PLA2G4B: variants seen among roughly 807,000 people sequenced by gnomAD.
PLA2G4B encodes phospholipase A2 group IVB.
A neutral mutation model predicts 95.8 loss-of-function variants in PLA2G4B; 122 were observed. The ratio of observed to expected loss-of-function variants is 1.27; its 90% CI spans 1.10 to 1.48. The LOEUF (loss-of-function observed/expected upper bound fraction) is 1.48, where lower values mean the gene tolerates loss of function less well. Among genes scored for constraint, PLA2G4B ranks in the 40% most tolerant of loss-of-function variants. The probability of loss-of-function intolerance (pLI) is 0.00; values close to 1 mark genes in which losing one functional copy is unlikely to be tolerated. For missense variants in PLA2G4B, 1,158 were observed against 996.2 expected, an observed-to-expected ratio of 1.16 and a Z score of -2.19; for synonymous variants, 518 against 421.5, an observed-to-expected ratio of 1.23 and a Z score of -2.80.
chr15:41,846,116 G>A, intron 16 of PLA2G4B, 69 bp downstream of exon 16: 6 of 1,576,778 alleles, frequency 3.8e-6, no homozygotes, highest in East Asian at 2.3e-5. Context: ...GGGGGCGGGG[G>A]GTTCACACCT....
At position 41,841,863 on chromosome 15, in the gene PLA2G4B, G is replaced by C. The variant is rs762752586; in HGVS notation, c.535G>C (p.Gly179Arg). Residue 179 changes from glycine to arginine, a missense_variant, in exon 8 of 20, where the codon GGT becomes CGT. Transcript: ENST00000458483. ...VQLVVPGSCEGPQEASVGTGT... is the reference protein window; with the variant it reads ...VQLVVPGSCERPQEASVGTGT... Reference sequence around the variant, plus strand: ...GCTTGTGGTTCCTGGGTCCTGTGAGGGTCCGCAGGAGGCCTCTGTGGGCAC... The same window carrying C: ...GCTTGTGGTTCCTGGGTCCTGTGAGCGTCCGCAGGAGGCCTCTGTGGGCAC... The C allele has an allele frequency of 1.2e-6, 2 of 1,613,490 alleles. No individual in the cohort carries two copies. The highest frequency in any genetic ancestry group is 1.1e-5 in the South Asian group (1 of 90,918).
intron 11 of PLA2G4B, 94 bp from the exon 12 acceptor site, chr15:41,844,377 G>A: frequency 1.3e-6 from 2 of 1,591,948 alleles, no homozygotes; most frequent in Non-Finnish European, 8.6e-7. Flanking sequence ...TTAGCTGTGG[G>A]CTGGGTGGCC....
chr15:41,847,221 C>A (rs960378040), intron 18 of PLA2G4B, 116 bp from the exon 19 acceptor site: 1 of 1,450,606 alleles, frequency 6.9e-7, no homozygotes, highest in East Asian at 2.3e-5. Flanking sequence ...CTTCATAGGC[C>A]CCACTGGAGA....
chr15:41,841,627 T>C (rs1268650242), intron 7 of PLA2G4B, 56 bp downstream of exon 7: 7 of 1,611,602 alleles, frequency 4.3e-6, no homozygotes, highest in Non-Finnish European at 5.1e-6. Context: ...TCTTCCCCCT[T>C]TAAGCATTGG....
At position 41,840,923 on chromosome 15, in the gene PLA2G4B, C is replaced by T. The variant is rs201470581; in HGVS notation, c.351+18C>T. 6.8e-6 allele frequency: 11 copies of T among 1,609,306 alleles called. No individual in the cohort carries two copies. The highest frequency in any genetic ancestry group is 4.0e-5 in the African/African-American group (3 of 74,970). The stretch of plus-strand genomic sequence containing the variant: ...GCCCTCAGGCAAGGCGGTGTTTCCA[C>T]GGCAGCCCTAGCTGGTGTCTGGGTT... On this transcript the variant is annotated intron_variant, in intron 4 of 19. Transcript: ENST00000458483.
At chr15:41,846,127 C>T in intron 16 of PLA2G4B, 76 bp from the exon 17 acceptor site, 2 of 1,582,844 alleles carry the variant, frequency 1.3e-6, no homozygotes, top group Non-Finnish European at 1.7e-6. Context: ...GTTCACACCT[C>T]TTCCCCCTCC....
intron 11 of PLA2G4B, 83 bp downstream of exon 11, chr15:41,843,894 C>G: frequency 2.0e-5 from 31 of 1,538,512 alleles, no homozygotes; most frequent in East Asian, 4.6e-5. Context: ...TGCTTGTCCC[C>G]GATCTAGACC....
Position 41,840,897 on chromosome 15 carries a change from A to G in PLA2G4B, c.343A>G (p.Ser115Gly), listed in dbSNP as rs769489846. The G allele has an allele frequency of 6.2e-7, 1 of 1,612,944 alleles. No homozygotes were observed. The highest frequency in any genetic ancestry group is 8.5e-7 in the Non-Finnish European group (1 of 1,179,144). The change falls in exon 4 of 20, where the codon AGC becomes GGC. Residue 115 changes from serine (S) to glycine (G), a missense_variant. By Grantham distance (56) the Ser-to-Gly change is moderately conservative. Coordinates refer to ENST00000458483, the MANE Select transcript of PLA2G4B (RefSeq NM_001114633.2). ...GTTCCGGCGCGAGAGCTTCTCACTGAGCCCTCAGGCAAGGCGGTGTTTCCA... is the reference window on the plus strand; with the variant it reads ...GTTCCGGCGCGAGAGCTTCTCACTGGGCCCTCAGGCAAGGCGGTGTTTCCA... The part of the protein sequence containing the change: ...GEFRRESFSL[S>G]PQGEGRLEVE...
Position 41,838,871 on chromosome 15 carries a change from G to T in PLA2G4B, c.-43G>T. On this transcript the variant is annotated 5_prime_UTR_variant, in exon 1 of 20. Transcript: ENST00000458483. Reference sequence around the variant, plus strand: ...TAGAAAGCTGACAGTCCTTGATCCTGTGGCCACTGCCCCATCATTCCTGCT... The same window carrying T: ...TAGAAAGCTGACAGTCCTTGATCCTTTGGCCACTGCCCCATCATTCCTGCT... 2 of 1,581,898 alleles carry T rather than the reference G, an allele frequency of 1.3e-6. No homozygotes were observed. Among genetic ancestry groups the T allele is most frequent in the Admixed American group, 1.8e-5 (1 of 56,260 alleles).
In PLA2G4B at chr15:41,847,674, G is replaced by A. The variant is rs1044837249; in HGVS notation, c.2160G>A (p.Ala720=). 1.1e-5 allele frequency: 18 copies of A among 1,613,630 alleles called. No homozygotes were observed. Among genetic ancestry groups the A allele is most frequent in the Admixed American group, 1.7e-5 (1 of 60,030 alleles). ...GGGTCCGGCGGACACCCGAGGAGGCGGCAGCTGGGGAGGTGAACCTGTCTT... is the reference window on the plus strand; with the variant it reads ...GGGTCCGGCGGACACCCGAGGAGGCAGCAGCTGGGGAGGTGAACCTGTCTT... ...APGVRRTPEE[A]AAGEVNLSSS... The change falls in exon 20 of 20, where the codon GCG becomes GCA. Residue 720 remains alanine, a synonymous_variant. Transcript: ENST00000458483.
At chr15:41,845,803 C>T in intron 15 of PLA2G4B, 28 bp downstream of exon 15, 1 of 1,567,688 alleles carries the variant, frequency 6.4e-7, no homozygotes, top group African/African-American at 1.4e-5. Context: ...GCTGGGGAAG[C>T]TGGGCCGAGC....
chr15:41,842,564 TGA>T lies in PLA2G4B; in HGVS notation c.720_721del (p.Arg240SerfsTer53). 6.2e-7 allele frequency: 1 copy of T among 1,609,520 alleles called. No homozygotes were observed. Among genetic ancestry groups the T allele is most frequent in the South Asian group, 1.1e-5 (1 of 90,574 alleles). On this transcript the variant is annotated frameshift_variant, in exon 10 of 20. Coordinates refer to ENST00000458483, the MANE Select transcript of PLA2G4B (RefSeq NM_001114633.2). LOFTEE classifies it high-confidence loss of function. ...CTTCACGGTTTTCAGGAGCCCCTGATGAGAGTGGAGCTGAAAAAAGAAGCAGG... is the reference window on the plus strand; with the variant it reads ...CTTCACGGTTTTCAGGAGCCCCTGATGAGTGGAGCTGAAAAAAGAAGCAGG...
In PLA2G4B at chr15:41,838,896, T is replaced by A; in HGVS notation, c.-18T>A. 1 of 1,594,280 alleles carries A rather than the reference T, an allele frequency of 6.3e-7. No individual in the cohort carries two copies. Among genetic ancestry groups the A allele is most frequent in the East Asian group, 2.3e-5 (1 of 44,204 alleles). ...GTGGCCACTGCCCCATCATTCCTGC[T>A]CCTGAGGACTCAGTCTCATGGCTGT... On this transcript the variant is annotated 5_prime_UTR_variant, in exon 1 of 20. Transcript: ENST00000458483.
At chr15:41,840,719 T>C (rs537289693) in intron 3 of PLA2G4B, 55 bp from the exon 4 acceptor site, 1 of 1,606,854 alleles carries the variant, frequency 6.2e-7, no homozygotes, top group African/African-American at 1.3e-5. Context: ...GCCGCTGCCC[T>C]GCTCACCTTT....
intron 10 of PLA2G4B, among the ~76,000 whole-genome samples, 164 bp from the exon 11 acceptor site, chr15:41,843,510 GAC>G (rs1398319560): frequency 6.6e-6 from 1 of 152,244 alleles, no homozygotes; most frequent in Non-Finnish European, 1.5e-5. Flanking sequence ...TGTCCACATG[GAC>G]ACACTCTCCC....
rs759066624 is a variant in PLA2G4B, at chr15:41,844,468, C to T, written c.880-3C>T. On this transcript the variant is annotated splice_polypyrimidine_tract_variant and splice_region_variant and intron_variant, in intron 11 of 19. Coordinates refer to ENST00000458483, the MANE Select transcript of PLA2G4B (RefSeq NM_001114633.2). ...CTACAGGCCTGGCTCTCTTCTTTTC[C>T]AGATCCCAGTGGTAGCTATTATGGC... 1.9e-6 allele frequency: 3 copies of T among 1,614,078 alleles called. No homozygotes were observed. Among genetic ancestry groups the T allele is most frequent in the South Asian group, 1.1e-5 (1 of 91,088 alleles).
chr15:41,842,744 T>A, intron 10 of PLA2G4B, 153 bp downstream of exon 10: 1 of 1,211,092 alleles, frequency 8.3e-7, no homozygotes, highest in Non-Finnish European at 1.1e-6. Flanking sequence ...GGGCACGAAG[T>A]ACTGGGAGGA....
Position 41,847,459 on chromosome 15 carries a change from C to G in PLA2G4B, c.2070C>G (p.Pro690=), listed in dbSNP as rs368040094. ...ECHTFSDPTC[P]GAPAVLHFPL... ...ACACCTTCTCCGACCCCACCTGCCC[C>G]GGAGCCCCTGCGGTGCTGCACTTTC... Residue 690 remains proline, a synonymous_variant, in exon 19 of 20, where the codon CCC becomes CCG. Transcript: ENST00000458483. 2.5e-6 allele frequency: 4 copies of G among 1,613,172 alleles called. No individual in the cohort carries two copies. Among genetic ancestry groups the G allele is most frequent in the Non-Finnish European group, 3.4e-6 (4 of 1,179,682 alleles).
At chr15:41,846,074 G>T in intron 16 of PLA2G4B, 27 bp downstream of exon 16, 1 of 1,571,510 alleles carries the variant, frequency 6.4e-7, no homozygotes, top group Non-Finnish European at 8.6e-7. Flanking sequence ...CTTCATAAGG[G>T]TGCCAAGGGG....
Sources: gnomAD v4.1 joint callset for allele counts (sites outside exome capture counted in the v4.1 genomes callset) on GRCh38, gnomAD v4.1.1 for gene constraint, MANE v1.5 for transcripts, NCBI Gene and HGNC (gene_info 2026-07-23, HGNC 2026-07-21) for gene names.